Variants in GALNT13 observed in about 807,000 individuals in gnomAD.
GALNT13 encodes polypeptide N-acetylgalactosaminyltransferase 13.
Under a neutral mutation model 64.2 loss-of-function variants are expected in GALNT13, and 28 were observed. That is an observed-to-expected ratio of 0.44 (90% CI 0.32 to 0.60). The LOEUF is 0.60. GALNT13 is among the 20% of genes least tolerant of loss of function. The probability of loss-of-function intolerance (pLI) is 0.05; values close to 1 mark genes in which losing one functional copy is unlikely to be tolerated. For synonymous variants in GALNT13, 214 were observed against 224.6 expected (o/e 0.95, Z 0.42); for missense variants, 577 against 669.8 (o/e 0.86, Z 1.53).
At chr2:154,418,364 G>A (rs1456924378) in intron 11 of GALNT13, among the ~76,000 whole-genome samples, 1 of 152,092 alleles carries the variant, frequency 6.6e-6, no homozygotes, top group African/African-American at 2.4e-5. Context: ...ATATTTTGTA[G>A]ACATGATTTT....
chr2:154,265,884 A>G (rs1393565922), intron 8 of GALNT13, among the ~76,000 whole-genome samples: 2 of 152,238 alleles, frequency 1.3e-5, no homozygotes, highest in Non-Finnish European at 2.9e-5. Context: ...TAGCAAATCA[A>G]GTTTCTCCGT....
At chr2:153,828,043 G>A in the GALNT13 span, among the ~76,000 whole-genome samples, 2 of 152,318 alleles carry the variant, frequency 1.3e-5, no homozygotes, top group African/African-American at 4.8e-5. Flanking sequence ...TCCAGGTCAC[G>A]CTGATGCAAG....
intron 4 of GALNT13, among the ~76,000 whole-genome samples, chr2:154,161,046 A>G (rs550961531): frequency 1.2e-3 from 190 of 152,328 alleles, no homozygotes; most frequent in Non-Finnish European, 1.7e-3. Context: ...ACCGCACAGT[A>G]TACAAGCCTC....
At chr2:153,567,862 G>C in the GALNT13 span, among the ~76,000 whole-genome samples, 4 of 152,306 alleles carry the variant, frequency 2.6e-5, no homozygotes, top group African/African-American at 9.6e-5. Context: ...TTCCTTGATA[G>C]AATATTTTTA....
intron 2 of GALNT13, among the ~76,000 whole-genome samples, chr2:153,942,107 T>C (rs1054887596): frequency 6.6e-6 from 1 of 152,230 alleles, no homozygotes; most frequent in African/African-American, 2.4e-5. Flanking sequence ...TTTCAGATTT[T>C]CTATTATAAT....
At chr2:154,284,928 G>A (rs1312993133) in intron 8 of GALNT13, among the ~76,000 whole-genome samples, 1 of 152,080 alleles carries the variant, frequency 6.6e-6, no homozygotes, top group Admixed American at 6.6e-5. Flanking sequence ...CATTCTAATA[G>A]ATGTGAGGTG....
chr2:154,089,483 G>A lies in GALNT13; in HGVS notation c.143-50854G>A, dbSNP rs1029156710. 1.3e-5 allele frequency among the ~76,000 whole-genome samples: 2 copies of A among 152,050 alleles called. 1 individual carries two copies. The highest frequency in any genetic ancestry group is 2.9e-5 in the Non-Finnish European group (2 of 68,012). On this transcript the variant is annotated intron_variant, in intron 3 of 12. Transcript: ENST00000392825. Reference sequence around the variant, plus strand: ...CATAGAAGTGGGGGGTCAGACAAAGGAATAAAGCCTAGACCTCTCAGCCAT... The same window carrying A: ...CATAGAAGTGGGGGGTCAGACAAAGAAATAAAGCCTAGACCTCTCAGCCAT...
At chr2:153,706,779 A>G in the GALNT13 span, among the ~76,000 whole-genome samples, 608 of 152,292 alleles carry the variant, frequency 4.0e-3, 6 homozygotes, top group African/African-American at 0.014. Context: ...GAAAACAAGG[A>G]AGGTTGTAGA....
chr2:153,535,051 C>T, the GALNT13 span, among the ~76,000 whole-genome samples: 3 of 151,502 alleles, frequency 2.0e-5, no homozygotes, highest in South Asian at 2.1e-4. Flanking sequence ...AGAGAATGGG[C>T]GATGTTTCTC....
the GALNT13 span, among the ~76,000 whole-genome samples, chr2:153,284,996 G>A: frequency 0.053 from 7,973 of 150,212 alleles, 749 homozygotes; most frequent in African/African-American, 0.19. Context: ...CTGTTCTCAC[G>A]CTGCTATGAA....
intron 9 of GALNT13, among the ~76,000 whole-genome samples, chr2:154,360,491 CTG>C (rs5835513): frequency 0.65 from 97,977 of 151,844 alleles, 32,122 homozygotes; most frequent in East Asian, 0.78. Flanking sequence ...GTACCACAGA[CTG>C]TGTTTTATCC....
the GALNT13 span, among the ~76,000 whole-genome samples, chr2:153,214,986 G>A: frequency 0.53 from 81,243 of 151,868 alleles, 22,275 homozygotes; most frequent in African/African-American, 0.58. Context: ...ATTAGAATGA[G>A]TTTGAATCCC....
intron 3 of GALNT13, among the ~76,000 whole-genome samples, chr2:154,045,425 C>T (rs371438966): frequency 2.6e-5 from 4 of 152,176 alleles, no homozygotes; most frequent in East Asian, 3.9e-4. Flanking sequence ...TTTACTGACA[C>T]GAAATGCTCT....
At chr2:153,703,204 C>T in the GALNT13 span, among the ~76,000 whole-genome samples, 7 of 152,262 alleles carry the variant, frequency 4.6e-5, no homozygotes, top group East Asian at 3.9e-4. Context: ...GATGTGTCTT[C>T]TCCATACACA....
intron 4 of GALNT13, among the ~76,000 whole-genome samples, chr2:154,198,480 T>C (rs995567387): frequency 6.6e-6 from 1 of 152,166 alleles, no homozygotes; most frequent in South Asian, 2.1e-4. Flanking sequence ...TTCATAATGA[T>C]TGTGTTTTCA....
chr2:154,188,131 T>G (rs1429214079), intron 4 of GALNT13, among the ~76,000 whole-genome samples: 1 of 152,040 alleles, frequency 6.6e-6, no homozygotes, highest in Non-Finnish European at 1.5e-5. Flanking sequence ...ACCTCCAAGA[T>G]TTCCATCTCT....
chr2:154,442,902 A>G (rs762428193), intron 12 of GALNT13, among the ~76,000 whole-genome samples: 14 of 152,304 alleles, frequency 9.2e-5, no homozygotes, highest in Non-Finnish European at 1.9e-4. Flanking sequence ...GACTTAGAAA[A>G]TACTTGTTGT....
the GALNT13 span, among the ~76,000 whole-genome samples, chr2:153,464,092 A>C: frequency 6.6e-6 from 1 of 152,072 alleles, no homozygotes; most frequent in African/African-American, 2.4e-5. Flanking sequence ...CAGGTACCTG[A>C]AGATCAATCA....
chr2:153,315,091 A>G, the GALNT13 span, among the ~76,000 whole-genome samples: 3 of 152,204 alleles, frequency 2.0e-5, no homozygotes, highest in Non-Finnish European at 4.4e-5. Context: ...ATATCAGGCA[A>G]ATAGTTTTCA....
Sources: allele counts gnomAD v4.1 joint callset (sites outside exome capture counted in the v4.1 genomes callset), GRCh38; gene constraint gnomAD v4.1.1; transcripts MANE v1.5; gene names NCBI Gene and HGNC (gene_info 2026-07-23, HGNC 2026-07-21).